Variants in PIP4K2A observed in about 807,000 individuals in gnomAD.
PIP4K2A encodes phosphatidylinositol 5-phosphate 4-kinase type-2 alpha.
A neutral mutation model predicts 42.9 loss-of-function variants in PIP4K2A; 14 were observed. The observed-to-expected ratio is 0.33, with a 90% CI of 0.22 to 0.51. The LOEUF is 0.51. Ranked by LOEUF, PIP4K2A falls within the 20% of genes least tolerant of loss-of-function variation. PIP4K2A has a pLI of 0.97. For synonymous variants in PIP4K2A, 192 were observed against 192.2 expected, an observed-to-expected ratio of 1.00 and a Z score of 0.01; for missense variants, 434 against 519.8, an observed-to-expected ratio of 0.83 and a Z score of 1.61.
chr10:22,606,327 C>T (rs1008571744), intron 3 of PIP4K2A, among the ~76,000 whole-genome samples: 22 of 151,960 alleles, frequency 1.4e-4, no homozygotes, highest in African/African-American at 4.1e-4. Flanking sequence ...AAAAAAGAAA[C>T]GCCCTAACAG....
intron 4 of PIP4K2A, among the ~76,000 whole-genome samples, chr10:22,577,814 TTC>T (rs1311576848): frequency 6.6e-6 from 1 of 152,168 alleles, no homozygotes; most frequent in Non-Finnish European, 1.5e-5. Flanking sequence ...GTGCTGAAGT[TTC>T]TCTCATTAAA....
chr10:22,582,045 T>C (rs1268718161), intron 4 of PIP4K2A, among the ~76,000 whole-genome samples: 1 of 151,684 alleles, frequency 6.6e-6, no homozygotes, highest in Non-Finnish European at 1.5e-5. Flanking sequence ...GAGGCTGCAG[T>C]GAGCTGTGTT....
At chr10:22,538,310 C>A (rs1835989823) in intron 9 of PIP4K2A, among the ~76,000 whole-genome samples, 1 of 150,840 alleles carries the variant, frequency 6.6e-6, no homozygotes, top group Admixed American at 6.7e-5. Context: ...TGGAGGCGAA[C>A]TTGTGGCTTA....
chr10:22,593,234 T>G (rs1837553850), intron 3 of PIP4K2A, among the ~76,000 whole-genome samples: 1 of 152,202 alleles, frequency 6.6e-6, no homozygotes, highest in African/African-American at 2.4e-5. Flanking sequence ...TCACACGTTC[T>G]GCAATAGCAC....
At chr10:22,636,236 T>C (rs1283299962) in intron 1 of PIP4K2A, among the ~76,000 whole-genome samples, 2 of 152,132 alleles carry the variant, frequency 1.3e-5, no homozygotes, top group Non-Finnish European at 2.9e-5. Flanking sequence ...CCACAACTGA[T>C]TTATTTTTCA....
intron 5 of PIP4K2A, 129 bp downstream of exon 5, chr10:22,573,182 C>A: frequency 1.3e-6 from 1 of 779,946 alleles, no homozygotes; most frequent in Non-Finnish European, 2.1e-6. Context: ...GGAAGGAATA[C>A]ACTGCTACTT....
At chr10:22,629,529 TTAAAG>T (rs1441577253) in intron 1 of PIP4K2A, among the ~76,000 whole-genome samples, 1 of 152,182 alleles carries the variant, frequency 6.6e-6, no homozygotes, top group African/African-American at 2.4e-5. Flanking sequence ...AAGAGTGACT[TTAAAG>T]TAATATATAA....
chr10:22,537,069 G>T lies in PIP4K2A; in HGVS notation c.*132C>A. 1.5e-6 allele frequency: 1 copy of T among 665,670 alleles called. No individual in the cohort carries two copies. The highest frequency in any genetic ancestry group is 2.6e-6 in the Non-Finnish European group (1 of 378,588). The allele number at this position is 665,670 out of a possible 1,614,324, so 41.2% of individuals were successfully genotyped here. A position where few individuals can be genotyped will look rare whatever the true frequency, so the allele number is the denominator to read the frequency against. The stretch of plus-strand genomic sequence containing the variant: ...AGTAGCCCCCAAATCAGTCATCTTG[G>T]CCTGAAGATGTAAACAAGGAGGTTT... On this transcript the variant is annotated 3_prime_UTR_variant, in exon 10 of 10. Transcript: ENST00000376573.
intron 4 of PIP4K2A, among the ~76,000 whole-genome samples, chr10:22,589,100 G>T (rs1229399499): frequency 6.6e-6 from 1 of 152,222 alleles, no homozygotes; most frequent in Admixed American, 6.5e-5. Context: ...TTGTCATCAA[G>T]AAGTTGGTAC....
At chr10:22,553,083 T>C (rs1233500603) in intron 6 of PIP4K2A, among the ~76,000 whole-genome samples, 4 of 152,192 alleles carry the variant, frequency 2.6e-5, no homozygotes, top group African/African-American at 9.6e-5. Context: ...CTGGACACCA[T>C]GTACTCTATG....
chr10:22,550,178 C>T (rs1036741423), intron 7 of PIP4K2A, among the ~76,000 whole-genome samples: 3 of 152,164 alleles, frequency 2.0e-5, no homozygotes, highest in Non-Finnish European at 2.9e-5. Context: ...TTTGTGGTGA[C>T]TGGTGGAGAT....
At chr10:22,705,636 T>C (rs200026133) in intron 1 of PIP4K2A, among the ~76,000 whole-genome samples, 1 of 151,822 alleles carries the variant, frequency 6.6e-6, no homozygotes, top group Admixed American at 6.6e-5. Context: ...GACTTAAATA[T>C]GCTGACGATC....
intron 4 of PIP4K2A, among the ~76,000 whole-genome samples, chr10:22,580,592 G>C (rs750707328): frequency 6.6e-6 from 1 of 151,998 alleles, no homozygotes; most frequent in Non-Finnish European, 1.5e-5. Flanking sequence ...TCTCTTCTTT[G>C]TAAGAGTTTA....
intron 6 of PIP4K2A, among the ~76,000 whole-genome samples, chr10:22,554,759 T>C (rs1224290402): frequency 6.6e-6 from 1 of 152,226 alleles, no homozygotes; most frequent in African/African-American, 2.4e-5. Flanking sequence ...CCCTCTGTAC[T>C]TGCTGGGAGG....
intron 1 of PIP4K2A, among the ~76,000 whole-genome samples, chr10:22,707,052 G>A (rs1226394731): frequency 6.6e-6 from 1 of 152,128 alleles, no homozygotes; most frequent in Non-Finnish European, 1.5e-5. Context: ...GGAGGCTGAG[G>A]TGAGAGGATT....
At chr10:22,663,505 C>A (rs1839248278) in intron 1 of PIP4K2A, among the ~76,000 whole-genome samples, 1 of 152,004 alleles carries the variant, frequency 6.6e-6, no homozygotes, top group Non-Finnish European at 1.5e-5. Flanking sequence ...GCAGAAAGAA[C>A]AAATTATATA....
intron 1 of PIP4K2A, among the ~76,000 whole-genome samples, chr10:22,661,448 C>A (rs1482002724): frequency 6.6e-6 from 1 of 150,584 alleles, no homozygotes; most frequent in Non-Finnish European, 1.5e-5. Context: ...CCTCGAACTC[C>A]TGGGCTCAAG....
At chr10:22,592,267 G>C (rs942477453) in intron 3 of PIP4K2A, among the ~76,000 whole-genome samples, 2 of 152,192 alleles carry the variant, frequency 1.3e-5, no homozygotes, top group Non-Finnish European at 2.9e-5. Flanking sequence ...CAGATGAGGA[G>C]ATGGGAATAA....
rs191558379 is a variant in PIP4K2A at position 22,660,249 on chromosome 10, T to C, written c.145-50532A>G. On this transcript the variant is annotated intron_variant, in intron 1 of 9. Coordinates refer to ENST00000376573, the MANE Select transcript of PIP4K2A (RefSeq NM_005028.5). ...ACTTTGGGAGACCAAGGCGGGCGGA[T>C]TGCCTGAGCTCAGGAATTCGAGACC... 1.1e-3 allele frequency among the ~76,000 whole-genome samples: 173 copies of C among 152,226 alleles called. 2 individuals carry two copies. The highest frequency in any genetic ancestry group is 7.2e-3 in the Admixed American group (110 of 15,288).
Sources: gnomAD v4.1 joint callset for allele counts (sites outside exome capture counted in the v4.1 genomes callset) on GRCh38, gnomAD v4.1.1 for gene constraint, MANE v1.5 for transcripts, NCBI Gene and HGNC (gene_info 2026-07-23, HGNC 2026-07-21) for gene names.